Variants in KDM4C observed in about 807,000 individuals in gnomAD.
The protein encoded by KDM4C is lysine-specific demethylase 4C.
Under a neutral mutation model 129.3 loss-of-function variants are expected in KDM4C, and 81 were observed. The ratio of observed to expected loss-of-function variants is 0.63; its 90% CI spans 0.52 to 0.75. The LOEUF is 0.75. KDM4C is among the 30% of genes least tolerant of loss of function. The pLI, the probability that KDM4C is intolerant of heterozygous loss-of-function variation, is 0.00. For synonymous variants in KDM4C, 573 were observed against 456.1 expected, an observed-to-expected ratio of 1.26 and a Z score of -3.26; for missense variants, 1,457 against 1,304.0, an observed-to-expected ratio of 1.12 and a Z score of -1.81.
intron 18 of KDM4C, among the ~76,000 whole-genome samples, chr9:7,105,715 T>A (rs1290209803): frequency 2.0e-5 from 3 of 152,198 alleles, no homozygotes; most frequent in Non-Finnish European, 4.4e-5. Flanking sequence ...CATTACCGTT[T>A]TAATATTCCA....
intron 8 of KDM4C, among the ~76,000 whole-genome samples, chr9:6,964,622 A>G (rs1189315105): frequency 2.6e-5 from 4 of 152,004 alleles, no homozygotes; most frequent in African/African-American, 9.7e-5. Context: ...TCTACTAAAA[A>G]ATACAAAAAA....
At chr9:7,103,438 G>T (rs1228569528) in intron 17 of KDM4C, among the ~76,000 whole-genome samples, 1 of 152,310 alleles carries the variant, frequency 6.6e-6, no homozygotes, top group Middle Eastern at 3.4e-3. Context: ...GGCTTTCCTT[G>T]CTACAAGAAA....
rs117794726 is a variant in KDM4C at position 7,169,736 on chromosome 9, G to T, written c.2902-62G>T. The T allele has an allele frequency of 2.0e-4, 262 of 1,292,706 alleles. No homozygotes were observed. The East Asian group carries it at 5.3e-3, about 26-fold the overall frequency. The allele number at this position is 1,292,706 out of a possible 1,614,324, so 80.1% of individuals were successfully genotyped here. A position where few individuals can be genotyped will look rare whatever the true frequency, so the allele number is the denominator to read the frequency against. On this transcript the variant is annotated intron_variant, in intron 20 of 21. Coordinates refer to ENST00000381309, the MANE Select transcript of KDM4C (RefSeq NM_015061.6). ...TCATCTTTTCATGTAGTTAATTGGA[G>T]CCTTTAAAAATGGTCAGTGCTGTTT...
At chr9:6,796,806 A>C (rs942312098) in intron 2 of KDM4C, among the ~76,000 whole-genome samples, 1 of 152,206 alleles carries the variant, frequency 6.6e-6, no homozygotes, top group African/African-American at 2.4e-5. Context: ...TTTGACGTCA[A>C]GTCACATAAG....
chr9:6,998,985 C>T (rs978860339), intron 12 of KDM4C, among the ~76,000 whole-genome samples: 1 of 152,096 alleles, frequency 6.6e-6, no homozygotes, highest in Admixed American at 6.6e-5. Flanking sequence ...CTGAGTACTT[C>T]ACCCCGTGTC....
At chr9:7,093,238 A>G (rs1400680639) in intron 17 of KDM4C, among the ~76,000 whole-genome samples, 4 of 152,144 alleles carry the variant, frequency 2.6e-5, no homozygotes, top group Non-Finnish European at 5.9e-5. Context: ...AACACAGGAA[A>G]ATGAAGGGTG....
At chr9:6,971,299 T>G (rs1447066245) in intron 8 of KDM4C, among the ~76,000 whole-genome samples, 1 of 152,228 alleles carries the variant, frequency 6.6e-6, no homozygotes, top group African/African-American at 2.4e-5. Flanking sequence ...GGGGCTGATT[T>G]CAGCTGCATT....
At chr9:7,021,689 G>A (rs112447727) in intron 15 of KDM4C, among the ~76,000 whole-genome samples, 2,516 of 152,084 alleles carry the variant, frequency 0.017, 78 homozygotes, top group African/African-American at 0.057. Context: ...TTTTTACTTC[G>A]TTGCCTGTGT....
At chr9:7,160,559 T>G (rs997021916) in intron 19 of KDM4C, among the ~76,000 whole-genome samples, 1 of 152,230 alleles carries the variant, frequency 6.6e-6, no homozygotes, top group Non-Finnish European at 1.5e-5. Context: ...CCCTTCCGGT[T>G]GTTAGTTTTC....
At chr9:6,991,248 T>TA (rs1266745058) in intron 12 of KDM4C, among the ~76,000 whole-genome samples, 8 of 151,082 alleles carry the variant, frequency 5.3e-5, no homozygotes, top group East Asian at 1.9e-4. Context: ...TTGGTTAATT[T>TA]AAAAAAAAAA....
Position 6,888,781 on chromosome 9 carries a change from GTTTTTTTTTTT to G in KDM4C, c.783+732_783+742del, listed in dbSNP as rs779606475. Among the ~76,000 whole-genome samples the G allele has an allele frequency of 1.1e-4, 13 of 114,986 alleles. 3 individuals carry two copies. Among genetic ancestry groups the G allele is most frequent in the Admixed American group, 3.1e-4 (3 of 9,786 alleles). 75.4% of individuals were successfully genotyped at this position (114,986 alleles called of 152,430 possible). ...AAAAAATAGCTCTTCCTTCTTCTGT[GTTTTTTTTTTT>G]TTTTTTTTTTTTTGAGACGGAGTCT... is the stretch of plus-strand genomic sequence containing the variant. On this transcript the variant is annotated intron_variant, in intron 7 of 21. Coordinates refer to ENST00000381309, the MANE Select transcript of KDM4C (RefSeq NM_015061.6).
intron 1 of KDM4C, among the ~76,000 whole-genome samples, chr9:6,752,413 ATT>A (rs76236616): frequency 0.016 from 2,001 of 128,334 alleles, 57 homozygotes; most frequent in African/African-American, 0.052. Context: ...AAAACCAGGG[ATT>A]TTTTTTTTTT....
intron 5 of KDM4C, among the ~76,000 whole-genome samples, chr9:6,867,510 T>C (rs972829975): frequency 3.9e-5 from 6 of 152,174 alleles, no homozygotes; most frequent in Non-Finnish European, 7.4e-5. Flanking sequence ...CTTCAGAAAA[T>C]TTTTGATATG....
intron 17 of KDM4C, among the ~76,000 whole-genome samples, chr9:7,070,660 A>T (rs1587436270): frequency 6.6e-6 from 1 of 152,184 alleles, no homozygotes; most frequent in African/African-American, 2.4e-5. Context: ...TTTAACATTG[A>T]TTCCCAATAA....
chr9:6,968,361 T>C (rs1007065255), intron 8 of KDM4C, among the ~76,000 whole-genome samples: 1 of 152,108 alleles, frequency 6.6e-6, no homozygotes, highest in Non-Finnish European at 1.5e-5. Flanking sequence ...TACTTGCCAT[T>C]GAGGAAAGGA....
At chr9:6,735,563 A>G (rs993999528) in intron 1 of KDM4C, among the ~76,000 whole-genome samples, 3 of 152,170 alleles carry the variant, frequency 2.0e-5, no homozygotes, top group African/African-American at 7.2e-5. Flanking sequence ...TGACGGTTTT[A>G]AAAACCAGAG....
At chr9:6,928,689 T>A (rs1393070167) in intron 8 of KDM4C, among the ~76,000 whole-genome samples, 1 of 152,204 alleles carries the variant, frequency 6.6e-6, no homozygotes, top group Non-Finnish European at 1.5e-5. Flanking sequence ...CGTTATTTTT[T>A]ATCGCCTATG....
At chr9:7,115,977 T>C (rs138711169) in intron 18 of KDM4C, among the ~76,000 whole-genome samples, 224 of 152,336 alleles carry the variant, frequency 1.5e-3, no homozygotes, top group African/African-American at 5.3e-3. Context: ...AAGTGTCACA[T>C]GTCCTTTCTT....
chr9:6,839,340 C>A (rs1387515320), intron 4 of KDM4C, among the ~76,000 whole-genome samples: 1 of 152,012 alleles, frequency 6.6e-6, no homozygotes, highest in African/African-American at 2.4e-5. Flanking sequence ...AACCATTCCC[C>A]CACGTCAACT....
Sources: gnomAD v4.1 joint callset for allele counts (sites outside exome capture counted in the v4.1 genomes callset) on GRCh38, gnomAD v4.1.1 for gene constraint, MANE v1.5 for transcripts, NCBI Gene and HGNC (gene_info 2026-07-23, HGNC 2026-07-21) for gene names.